APOLD1: variants seen among roughly 807,000 people sequenced by gnomAD.
The protein encoded by APOLD1 is apolipoprotein L domain-containing protein 1.
In APOLD1, 22 loss-of-function variants were observed where a neutral mutation model predicts 15.3. The observed-to-expected ratio is 1.44, with a 90% CI of 1.03 to 2.05. The LOEUF is 2.05. Ranked by LOEUF, APOLD1 falls within the 30% of genes most tolerant of loss-of-function variation. The pLI is 0.00. For missense variants in APOLD1, 394 were observed against 353.5 expected (o/e 1.11, Z -0.92); for synonymous variants, 190 against 167.4 (o/e 1.13, Z -1.04).
intron 1 of APOLD1, among the ~76,000 whole-genome samples, chr12:12,761,979 G>C (rs1489076522): frequency 6.6e-6 from 1 of 151,934 alleles, no homozygotes; most frequent in Non-Finnish European, 1.5e-5. Flanking sequence ...GGGACTACAG[G>C]TGTGCACCAC....
At chr12:12,776,875 A>G (rs1947039577) in intron 1 of APOLD1, among the ~76,000 whole-genome samples, 1 of 152,214 alleles carries the variant, frequency 6.6e-6, no homozygotes, top group African/African-American at 2.4e-5. Context: ...AGAAGTAGAT[A>G]TTAACAATGG....
intron 1 of APOLD1, among the ~76,000 whole-genome samples, chr12:12,755,246 T>C (rs968562309): frequency 2.0e-5 from 3 of 152,162 alleles, no homozygotes; most frequent in African/African-American, 7.2e-5. Context: ...CAATTCGTTA[T>C]ATATAATGAG....
At chr12:12,780,809 G>C (rs1440497525), upstream of APOLD1, among the ~76,000 whole-genome samples, 3 of 123,502 alleles carry the variant, frequency 2.4e-5, no homozygotes, top group Non-Finnish European at 5.5e-5. Flanking sequence ...GGCTGGTATT[G>C]TATTCCTGGG....
intron 1 of APOLD1, among the ~76,000 whole-genome samples, chr12:12,755,031 G>C (rs1453967002): frequency 6.6e-6 from 1 of 151,996 alleles, no homozygotes; most frequent in African/African-American, 2.4e-5. Flanking sequence ...GGGCGACAGA[G>C]TGAGGCCCTC....
At chr12:12,758,144 G>T (rs1479732828) in intron 1 of APOLD1, among the ~76,000 whole-genome samples, 1 of 147,216 alleles carries the variant, frequency 6.8e-6, no homozygotes, top group Non-Finnish European at 1.5e-5. Context: ...CACTGTGTTA[G>T]CCAGGATGTT....
chr12:12,763,741 C>T (rs767379481), intron 1 of APOLD1, among the ~76,000 whole-genome samples: 21 of 152,158 alleles, frequency 1.4e-4, no homozygotes, highest in Non-Finnish European at 2.9e-4. Flanking sequence ...ACCAATCCCC[C>T]ACTTATATGA....
intron 1 of APOLD1, among the ~76,000 whole-genome samples, chr12:12,739,730 T>TA (rs1946717535): frequency 6.6e-6 from 1 of 152,110 alleles, no homozygotes; most frequent in African/African-American, 2.4e-5. Context: ...TATGATCCTA[T>TA]AGCCATAACT....
chr12:12,751,633 G>A (rs967882853), intron 1 of APOLD1, among the ~76,000 whole-genome samples: 8 of 152,090 alleles, frequency 5.3e-5, no homozygotes, highest in Admixed American at 2.0e-4. Flanking sequence ...CTATAGGCGT[G>A]AGCCAGCACG....
chr12:12,736,404 G>A (rs1164676534), intron 1 of APOLD1, among the ~76,000 whole-genome samples: 2 of 151,548 alleles, frequency 1.3e-5, no homozygotes, highest in Non-Finnish European at 2.9e-5. Context: ...GTGTGCACCT[G>A]TAGTCCCAGC....
intron 1 of APOLD1, among the ~76,000 whole-genome samples, chr12:12,767,486 A>G (rs1346554412): frequency 6.6e-6 from 1 of 151,632 alleles, no homozygotes; most frequent in Non-Finnish European, 1.5e-5. Context: ...ATGGGGCAAA[A>G]CCCATCTCTA....
upstream of APOLD1, chr12:12,785,654 G>T (rs768089379): frequency 1.2e-6 from 2 of 1,614,186 alleles, no homozygotes; most frequent in South Asian, 2.2e-5. Flanking sequence ...TCCAGAAACA[G>T]CCTCAGATTT....
chr12:12,726,097 G>A lies in APOLD1; in HGVS notation c.96+1G>A, dbSNP rs202116412. On this transcript the variant is annotated splice_donor_variant, in intron 1 of 1. Coordinates refer to the APOLD1 transcript ENST00000326765. LOFTEE classifies it high-confidence loss of function. ...ATGCACCTTCCCCTGCCTTGGAAAG[G>A]TAGAACTGGGGAGTGCGGGAGGGTG... 2,161 of 1,416,136 alleles carry A rather than the reference G, an allele frequency of 1.5e-3. 2 individuals carry two copies. The highest frequency in any genetic ancestry group is 1.8e-3 in the Non-Finnish European group (1,894 of 1,069,084). The allele number at this position is 1,416,136 out of a possible 1,614,324, so 87.7% of individuals were successfully genotyped here. A position where few individuals can be genotyped will look rare whatever the true frequency, so the allele number is the denominator to read the frequency against.
At chr12:12,736,292 G>A (rs1042970650) in intron 1 of APOLD1, among the ~76,000 whole-genome samples, 5 of 152,140 alleles carry the variant, frequency 3.3e-5, no homozygotes, top group African/African-American at 9.6e-5. Flanking sequence ...AGGAGGTTGC[G>A]GTGAGCCAAG....
chr12:12,756,846 G>A (rs1214853088), intron 1 of APOLD1, among the ~76,000 whole-genome samples: 2 of 152,102 alleles, frequency 1.3e-5, no homozygotes, highest in Non-Finnish European at 2.9e-5. Context: ...GAGTGCAATG[G>A]CACGATCTCG....
rs149915552 is a variant in APOLD1, at chr12:12,739,162, C to A, written c.96+13066C>A. ...GACAGATAGTAGGGGAGACTGAATG[C>A]GGAGAATACACATCTTGCACAGGTC... On this transcript the variant is annotated intron_variant, in intron 1 of 1. Transcript: ENST00000326765. Among the ~76,000 whole-genome samples the A allele has an allele frequency of 2.8e-3, 424 of 152,240 alleles. 1 individual carries two copies. Among genetic ancestry groups the A allele is most frequent in the African/African-American group, 9.7e-3 (402 of 41,550 alleles).
intron 1 of APOLD1, among the ~76,000 whole-genome samples, chr12:12,756,079 ACT>A (rs1176193281): frequency 6.6e-6 from 1 of 152,144 alleles, no homozygotes; most frequent in African/African-American, 2.4e-5. Context: ...CAACTGGGAG[ACT>A]CTGAGTGGAG....
chr12:12,787,244 C>G lies in APOLD1; in HGVS notation c.339C>G (p.Asn113Lys). The G allele has an allele frequency of 6.3e-7, 1 of 1,576,816 alleles. No homozygotes were observed. The highest frequency in any genetic ancestry group is 8.6e-7 in the Non-Finnish European group (1 of 1,165,554). The change falls in exon 2 of 2, where the codon AAC (asparagine) becomes AAG (lysine). Residue 113 changes from asparagine (N) to lysine (K), a missense_variant. By Grantham distance (94) the Asn-to-Lys change is moderately conservative. Coordinates refer to ENST00000356591, the MANE Select transcript of APOLD1 (RefSeq NM_030817.3). The surrounding 1 kb of genome is among the most constrained non-coding windows in gnomAD (Gnocchi z 4.9). Reference sequence around the variant, plus strand: ...CCGATCTCTCGCTGATCTTCTGCAACTCCCGGGAGCTGCGGAGGGTGCAGG... The same window carrying G: ...CCGATCTCTCGCTGATCTTCTGCAAGTCCCGGGAGCTGCGGAGGGTGCAGG... Reference protein sequence around the residue: ...ITSDLSLIFCNSRELRRVQEI... With the variant: ...ITSDLSLIFCKSRELRRVQEI...
At chr12:12,731,686 A>G (rs1343537855) in intron 1 of APOLD1, among the ~76,000 whole-genome samples, 3 of 152,252 alleles carry the variant, frequency 2.0e-5, no homozygotes, top group African/African-American at 7.2e-5. Context: ...TCAATTGTAG[A>G]CTATTGGGAT....
intron 1 of APOLD1, among the ~76,000 whole-genome samples, chr12:12,775,232 T>G (rs960096044): frequency 4.3e-4 from 66 of 152,296 alleles, no homozygotes; most frequent in African/African-American, 1.5e-3. Context: ...CTAATGACAT[T>G]CTGGAAAAGA....
Sources: allele counts gnomAD v4.1 joint callset (sites outside exome capture counted in the v4.1 genomes callset), GRCh38; gene constraint gnomAD v4.1.1; non-coding constraint Gnocchi (gnomAD v3.1); transcripts MANE v1.5; gene names NCBI Gene and HGNC (gene_info 2026-07-23, HGNC 2026-07-21).